The following CALCR variants were observed in gnomAD, a reference collection of about 807,000 sequenced individuals.
CALCR encodes the protein calcitonin receptor.
A neutral mutation model predicts 59.5 loss-of-function variants in CALCR; 47 were observed. That is an observed-to-expected ratio of 0.79 (90% CI 0.63 to 1.01). CALCR has a LOEUF of 1.01. Among genes scored for constraint, CALCR ranks in the 50% least tolerant of loss-of-function variants. The pLI, the probability that CALCR is intolerant of heterozygous loss-of-function variation, is 0.00. For missense variants in CALCR, 566 were observed against 597.1 expected (o/e 0.95, Z 0.54); for synonymous variants, 213 against 211.3 (o/e 1.01, Z -0.07).
At position 93,568,211 on chromosome 7, in the gene CALCR, C is replaced by T. The variant is rs536064293; in HGVS notation, c.-27+6078G>A. On this transcript the variant is annotated intron_variant, in intron 2 of 13. Transcript: ENST00000426151. ...ACATCTTTGTTGGGGGGATTAAACG[C>T]TGTCCAGGAAAGGCTAAAAAGAAGG... Among the ~76,000 whole-genome samples the T allele has an allele frequency of 3.9e-5, 6 of 152,188 alleles. No individual in the cohort carries two copies. The South Asian group carries it at 1.2e-3, about 32-fold the overall frequency.
At chr7:93,561,716 C>T (rs1012350314) in intron 2 of CALCR, among the ~76,000 whole-genome samples, 18 of 152,018 alleles carry the variant, frequency 1.2e-4, no homozygotes, top group African/African-American at 4.3e-4. Flanking sequence ...TATTTTGCTG[C>T]CAGACAGTGA....
At chr7:93,565,644 A>G (rs1398536788) in intron 2 of CALCR, among the ~76,000 whole-genome samples, 1 of 152,224 alleles carries the variant, frequency 6.6e-6, no homozygotes, top group East Asian at 1.9e-4. Context: ...ATTTTGCCTT[A>G]GTGCCACCTT....
intron 9 of CALCR, among the ~76,000 whole-genome samples, chr7:93,439,798 A>G (rs1799862768): frequency 6.6e-6 from 1 of 152,142 alleles, no homozygotes; most frequent in African/African-American, 2.4e-5. Context: ...TAACAAGGGG[A>G]AAACCAGCAA....
chr7:93,458,028 A>G (rs1800243828), intron 8 of CALCR, among the ~76,000 whole-genome samples: 1 of 152,122 alleles, frequency 6.6e-6, no homozygotes, highest in African/African-American at 2.4e-5. Context: ...TTGCTCGGAT[A>G]TTGCAAAGAT....
chr7:93,466,665 C>T (rs529929740), intron 7 of CALCR, among the ~76,000 whole-genome samples: 1 of 151,558 alleles, frequency 6.6e-6, no homozygotes, highest in East Asian at 1.9e-4. Context: ...GTTTTTCTTC[C>T]CCAGATTTAA....
chr7:93,436,360 T>C (rs1323825908), intron 11 of CALCR, among the ~76,000 whole-genome samples, 190 bp from the exon 12 acceptor site: 1 of 81,636 alleles, frequency 1.2e-5, no homozygotes, highest in African/African-American at 5.2e-5. Flanking sequence ...AATTTTATGT[T>C]CCCTCCAGCA....
chr7:93,555,698 C>T (rs1789583270), intron 2 of CALCR, among the ~76,000 whole-genome samples: 1 of 152,030 alleles, frequency 6.6e-6, no homozygotes, highest in South Asian at 2.1e-4. Flanking sequence ...ATAGATTAAG[C>T]ACAGCACTGA....
chr7:93,543,195 T>G (rs770959746), intron 2 of CALCR, among the ~76,000 whole-genome samples: 1 of 152,192 alleles, frequency 6.6e-6, no homozygotes, highest in African/African-American at 2.4e-5. Context: ...ACCAGGCTGG[T>G]GTGCAGTCGC....
At chr7:93,472,559 C>T in intron 5 of CALCR, 72 bp from the exon 6 acceptor site, 1 of 889,998 alleles carries the variant, frequency 1.1e-6, no homozygotes, top group Non-Finnish European at 1.8e-6. Flanking sequence ...TAAATTAAAG[C>T]TTAAAAGCCA....
At chr7:93,466,990 T>C (rs934811193) in intron 7 of CALCR, among the ~76,000 whole-genome samples, 1 of 151,830 alleles carries the variant, frequency 6.6e-6, no homozygotes, top group Admixed American at 6.6e-5. Flanking sequence ...TTATTACCTT[T>C]AAAGTCCTGA....
At chr7:93,485,060 A>G (rs989629641) in intron 3 of CALCR, among the ~76,000 whole-genome samples, 2 of 151,742 alleles carry the variant, frequency 1.3e-5, no homozygotes, top group African/African-American at 2.4e-5. Context: ...AATTAGGAAC[A>G]TTGTCATTAA....
chr7:93,434,355 A>T, intron 12 of CALCR, 61 bp from the exon 13 acceptor site: 1 of 1,206,174 alleles, frequency 8.3e-7, no homozygotes, highest in Non-Finnish European at 1.2e-6. Flanking sequence ...TTGTTTAGTA[A>T]ACAATATAAT....
At chr7:93,452,146 A>G (rs963424396) in intron 8 of CALCR, among the ~76,000 whole-genome samples, 6 of 151,982 alleles carry the variant, frequency 3.9e-5, no homozygotes, top group African/African-American at 1.4e-4. Context: ...AAAAGCCTAC[A>G]TGAGATTCTG....
At chr7:93,537,727 C>CACAT (rs747181314) in intron 2 of CALCR, among the ~76,000 whole-genome samples, 44 of 151,568 alleles carry the variant, frequency 2.9e-4, no homozygotes, top group East Asian at 9.6e-4. Flanking sequence ...CACACACACA[C>CACAT]ACATACATAC....
chr7:93,460,672 T>C (rs1359699353), intron 8 of CALCR, 149 bp downstream of exon 8: 1 of 383,054 alleles, frequency 2.6e-6, no homozygotes, highest in African/African-American at 2.2e-5. Flanking sequence ...AGAAATGATA[T>C]GCCTCACAAA....
chr7:93,535,857 A>G (rs889086470), intron 2 of CALCR, among the ~76,000 whole-genome samples: 5 of 151,788 alleles, frequency 3.3e-5, no homozygotes, highest in African/African-American at 1.2e-4. Flanking sequence ...GGAATTACCA[A>G]ACAAAACTGA....
intron 2 of CALCR, among the ~76,000 whole-genome samples, chr7:93,510,371 G>T (rs535376182): frequency 1.1e-4 from 17 of 152,286 alleles, no homozygotes; most frequent in Middle Eastern, 6.8e-3. Flanking sequence ...AGGTCAGAAA[G>T]TCTCCAAGTC....
chr7:93,475,354 C>T (rs540547165), intron 5 of CALCR, among the ~76,000 whole-genome samples: 29 of 151,804 alleles, frequency 1.9e-4, no homozygotes, highest in African/African-American at 6.3e-4. Flanking sequence ...TAGACAAACC[C>T]TATTTAAAGC....
At chr7:93,529,774 A>C (rs988179329) in intron 2 of CALCR, among the ~76,000 whole-genome samples, 2 of 152,172 alleles carry the variant, frequency 1.3e-5, no homozygotes, top group Non-Finnish European at 2.9e-5. Context: ...AAAGATGATG[A>C]AGGTTTGGAT....
Sources: gnomAD v4.1 joint callset for allele counts (sites outside exome capture counted in the v4.1 genomes callset) on GRCh38, gnomAD v4.1.1 for gene constraint, MANE v1.5 for transcripts, NCBI Gene and HGNC (gene_info 2026-07-23, HGNC 2026-07-21) for gene names.